AKT2: variants seen among roughly 807,000 people sequenced by gnomAD.
AKT2 encodes the protein AKT serine/threonine kinase 2.
Under a neutral mutation model 58.6 loss-of-function variants are expected in AKT2, and 16 were observed. That is an observed-to-expected ratio of 0.27 (90% CI 0.18 to 0.41). The LOEUF (loss-of-function observed/expected upper bound fraction) is 0.41. AKT2 is among the 10% of genes least tolerant of loss of function. The pLI is 1.00. For synonymous variants in AKT2, 253 were observed against 254.0 expected (o/e 1.00, Z 0.04); for missense variants, 438 against 661.0 (o/e 0.66, Z 3.70).
In AKT2 at chr19:40,235,911, A is replaced by G; in HGVS notation, c.1154T>C (p.Leu385Pro). The change falls in exon 11 of 14, where the codon CTT (leucine) becomes CCT (proline). Residue 385 changes from leucine to proline, a missense_variant. Transcript: ENST00000392038. This position sits in a 1 kb window ranked among gnomAD's most constrained non-coding sequence, Gnocchi z 6.3. Reference protein sequence around the residue: ...PEAKSLLAGLLKKDPKQRLGG... With the variant: ...PEAKSLLAGLPKKDPKQRLGG... ...TCACCTCTGCTTGGGGTCCTTCTTA[A>G]GCAGCCCAGCAAGCAGGGACTTGGC... 1 of 1,612,522 alleles carries G rather than the reference A, an allele frequency of 6.2e-7. No homozygotes were observed.
chr19:40,239,703 G>A, intron 7 of AKT2: 1 of 446,582 alleles, frequency 2.2e-6, no homozygotes, highest in South Asian at 2.0e-5. Flanking sequence ...GAGCATATCT[G>A]AAAACAAAAA....
Position 40,237,830 on chromosome 19 carries a change from G to A in AKT2, c.831+139C>T. On this transcript the variant is annotated intron_variant, in intron 9 of 13. Transcript: ENST00000392038. This position sits in a 1 kb window ranked among gnomAD's most constrained non-coding sequence, Gnocchi z 4.5. ...ACCCTGGACCTTGGTGGGGAGCCTG[G>A]CGAATGAGGGCAGCCACCACCCTGG... 1 of 1,268,670 alleles carries A rather than the reference G, an allele frequency of 7.9e-7. No individual in the cohort carries two copies. The highest frequency in any genetic ancestry group is 2.0e-5 in the Admixed American group (1 of 48,934). 78.6% of individuals were successfully genotyped at this position (1,268,670 alleles called of 1,614,324 possible).
intron 1 of AKT2, among the ~76,000 whole-genome samples, chr19:40,266,906 G>A (rs1211895068): frequency 2.0e-5 from 3 of 152,182 alleles, no homozygotes; most frequent in East Asian, 3.9e-4. Flanking sequence ...AGGCTGCAGT[G>A]AGCCTTGATT....
At chr19:40,282,569 G>A (rs371948367) in intron 1 of AKT2, 43 of 532,220 alleles carry the variant, frequency 8.1e-5, no homozygotes, top group Non-Finnish European at 1.3e-4. Flanking sequence ...AAAGACATAG[G>A]ACAGTCACCT....
rs2145157323 is a variant in AKT2, at chr19:40,235,080, G to A, written c.1331C>T (p.Thr444Ile). 1 of 1,614,184 alleles carries A rather than the reference G, an allele frequency of 6.2e-7. No homozygotes were observed. The highest frequency in any genetic ancestry group is 8.5e-7 in the Non-Finnish European group (1 of 1,180,022). Residue 444 changes from threonine to isoleucine, a missense_variant, in exon 13 of 14, where the codon ACC becomes ATC. Physicochemically the swap from Thr to Ile is moderately conservative, Grantham distance 89. Around this residue, in one of 3 missense-constraint regions of AKT2, gnomAD observed 148 missense variants for 199.5 expected, o/e 0.74. Coordinates refer to ENST00000392038, the MANE Select transcript of AKT2 (RefSeq NM_001626.6). This position sits in a 1 kb window ranked among gnomAD's most constrained non-coding sequence, Gnocchi z 6.3. ...VDTRYFDDEF[T>I]AQSITITPPD... ...GGGTGTGATTGTGATGGACTGGGCG[G>A]TAAATTCATCATCGAAGTACCTTGT...
chr19:40,255,233 T>C lies in AKT2; in HGVS notation c.212A>G (p.Asn71Ser), dbSNP rs200272953. The C allele has an allele frequency of 2.8e-4, 453 of 1,614,008 alleles. No individual in the cohort carries two copies. Among genetic ancestry groups the C allele is most frequent in the Admixed American group, 6.7e-4 (40 of 60,012 alleles). The stretch of plus-strand genomic sequence containing the variant: ...CTGCAGGCAGCGTATGACAAAGGTG[T>C]TGGGTCGCGGCCTCTCGGTCTTCAT... The part of the protein sequence containing the change: ...QLMKTERPRP[N>S]TFVIRCLQWT... Residue 71 changes from asparagine to serine, a missense_variant, in exon 4 of 14, where the codon AAC becomes AGC. This residue lies in a region of AKT2 where 244 missense variants were observed against 347.1 expected (regional missense o/e 0.70). Transcript: ENST00000392038.
chr19:40,263,599 GC>G (rs995317944), intron 2 of AKT2, among the ~76,000 whole-genome samples: 1 of 152,202 alleles, frequency 6.6e-6, no homozygotes, highest in Non-Finnish European at 1.5e-5. Flanking sequence ...CCAGGCTCAG[GC>G]TGGGGGACTG....
intron 2 of AKT2, among the ~76,000 whole-genome samples, chr19:40,262,016 T>C (rs1258782701): frequency 6.6e-6 from 1 of 151,850 alleles, no homozygotes; most frequent in African/African-American, 2.4e-5. Context: ...CCGGGGACCG[T>C]CTTATTCTAT....
chr19:40,284,596 G>A (rs1216430870), intron 1 of AKT2, among the ~76,000 whole-genome samples: 1 of 151,864 alleles, frequency 6.6e-6, no homozygotes, highest in Non-Finnish European at 1.5e-5. Flanking sequence ...CCCAAAATAC[G>A]CCCCTAAAAC....
At chr19:40,247,162 C>T (rs562081254) in intron 4 of AKT2, among the ~76,000 whole-genome samples, 2 of 152,298 alleles carry the variant, frequency 1.3e-5, no homozygotes, top group South Asian at 4.1e-4. Flanking sequence ...AAAGCAAGGG[C>T]CTCTGTCCAG....
Position 40,242,544 on chromosome 19 carries a change from C to G in AKT2, c.431G>C (p.Arg144Pro). 3 of 1,613,688 alleles carry G rather than the reference C, an allele frequency of 1.9e-6. No homozygotes were observed. Among genetic ancestry groups the G allele is most frequent in the Non-Finnish European group, 2.5e-6 (3 of 1,179,996 alleles). ...EEMEVAVSKA[R>P]AKVTMNDFDY... ...GCTCCCAGCACTTACCACTTTAGCC[C>G]GTGCCTTGCTGACCGCCACTTCCAT... The change falls in exon 5 of 14, where the codon CGG becomes CCG. Residue 144 changes from arginine (R) to proline (P), a missense_variant. By Grantham distance (103) the Arg-to-Pro change is moderately radical. Coordinates refer to ENST00000392038, the MANE Select transcript of AKT2 (RefSeq NM_001626.6). The surrounding 1 kb of genome is among the most constrained non-coding windows in gnomAD (Gnocchi z 4.3).
chr19:40,266,552 C>T (rs1391500913), intron 1 of AKT2, among the ~76,000 whole-genome samples: 5 of 152,178 alleles, frequency 3.3e-5, no homozygotes, highest in Non-Finnish European at 5.9e-5. Flanking sequence ...GGCAATGATG[C>T]GAGGCTGGGA....
intron 1 of AKT2, chr19:40,279,708 C>T (rs894663408): frequency 6.6e-6 from 1 of 151,470 alleles, no homozygotes; most frequent in East Asian, 1.9e-4. Context: ...TAGGGGTGAG[C>T]CCATGGGTGG....
intron 1 of AKT2, among the ~76,000 whole-genome samples, chr19:40,281,477 G>A (rs190763259): frequency 1.3e-5 from 2 of 152,180 alleles, no homozygotes; most frequent in African/African-American, 2.4e-5. Flanking sequence ...GGGTGACAGA[G>A]GGAGGCCCTG....
chr19:40,272,497 G>A (rs2077233423), intron 1 of AKT2, among the ~76,000 whole-genome samples: 1 of 152,176 alleles, frequency 6.6e-6, no homozygotes, highest in Non-Finnish European at 1.5e-5. Flanking sequence ...AAGGCTCGCG[G>A]CACGACAGAA....
chr19:40,283,827 T>G (rs2077466203), intron 1 of AKT2, among the ~76,000 whole-genome samples: 1 of 152,174 alleles, frequency 6.6e-6, no homozygotes, highest in South Asian at 2.1e-4. Flanking sequence ...CCTTGGCCTA[T>G]GCAAAGAGGA....
chr19:40,281,595 T>C (rs886906128), intron 1 of AKT2, among the ~76,000 whole-genome samples: 13 of 152,012 alleles, frequency 8.6e-5, no homozygotes, highest in Non-Finnish European at 1.8e-4. Context: ...GGAAGAGGAG[T>C]GGGCCCGGGA....
intron 2 of AKT2, among the ~76,000 whole-genome samples, chr19:40,258,144 C>T (rs531160178): frequency 1.3e-5 from 2 of 149,682 alleles, no homozygotes; most frequent in African/African-American, 2.5e-5. Flanking sequence ...ACTTGGGAGG[C>T]TGAGGCAGGA....
intron 1 of AKT2, chr19:40,274,249 C>T (rs1168282250): frequency 6.6e-6 from 1 of 152,644 alleles, no homozygotes; most frequent in Non-Finnish European, 1.5e-5. Context: ...GTCCTAGCCC[C>T]CACTGTGTCC....
Sources: allele counts gnomAD v4.1 joint callset (sites outside exome capture counted in the v4.1 genomes callset), GRCh38; gene constraint gnomAD v4.1.1; regional missense constraint gnomAD v4.1.1; non-coding constraint Gnocchi (gnomAD v3.1); transcripts MANE v1.5; gene names NCBI Gene and HGNC (gene_info 2026-07-23, HGNC 2026-07-21).